The following GC variants were observed in gnomAD, a reference collection of about 807,000 sequenced individuals.
GC encodes GC vitamin D binding protein.
A neutral mutation model predicts 56.7 loss-of-function variants in GC; 43 were observed. The ratio of observed to expected loss-of-function variants is 0.76; its 90% CI spans 0.59 to 0.98. GC has a LOEUF of 0.98. GC is among the 50% of genes least tolerant of loss of function. The pLI is 0.00. For missense variants in GC, 529 were observed against 545.9 expected, an observed-to-expected ratio of 0.97 and a Z score of 0.31; for synonymous variants, 216 against 202.7, an observed-to-expected ratio of 1.07 and a Z score of -0.56.
rs770079783 is a variant in GC at position 71,768,328 on chromosome 4, C to G, written c.234G>C (p.Gly78=). The G allele has an allele frequency of 6.2e-7, 1 of 1,612,574 alleles. No individual in the cohort carries two copies. The highest frequency in any genetic ancestry group is 8.5e-7 in the Non-Finnish European group (1 of 1,179,358). The change falls in exon 3 of 13, where the codon GGG becomes GGC. Residue 78 remains glycine, a synonymous_variant. Transcript: ENST00000273951. ...VSLTEACCAE[G]ADPDCYDTRT... ...TGGTGTCATAGCAGTCAGGGTCAGC[C>G]CCTTCCGCACAGCAGGCTTCGGTCA...
intron 8 of GC, among the ~76,000 whole-genome samples, chr4:71,755,668 ATATAT>A (rs1264821339): frequency 1.3e-5 from 2 of 152,218 alleles, no homozygotes; most frequent in Admixed American, 1.3e-4. Flanking sequence ...ATACATTTAA[ATATAT>A]TATATGTAAA....
At chr4:71,769,543 G>T (rs895470055) in intron 1 of GC, 143 bp from the exon 2 acceptor site, 1 of 598,366 alleles carries the variant, frequency 1.7e-6, no homozygotes, top group Non-Finnish European at 3.0e-6. Flanking sequence ...CATATTTTGG[G>T]GGCCTTTCTA....
intron 10 of GC, among the ~76,000 whole-genome samples, chr4:71,753,917 A>C (rs778019798): frequency 1.6e-4 from 25 of 152,150 alleles, no homozygotes; most frequent in Non-Finnish European, 2.9e-4. Flanking sequence ...TCATTTTGCC[A>C]TTTTGACTCA....
intron 1 of GC, among the ~76,000 whole-genome samples, chr4:71,776,404 G>A (rs903048408): frequency 4.6e-5 from 7 of 151,806 alleles, no homozygotes; most frequent in African/African-American, 1.7e-4. Context: ...AATAAGCCAG[G>A]TACAGAAAGA....
At chr4:71,804,055 A>G (rs953297090), upstream of GC, 115 of 759,422 alleles carry the variant, frequency 1.5e-4, no homozygotes, top group African/African-American at 1.8e-3. Flanking sequence ...AAGAGCATCA[A>G]CGTTGGTCTT....
intron 1 of GC, among the ~76,000 whole-genome samples, chr4:71,775,155 T>A (rs547402194): frequency 6.6e-6 from 1 of 151,454 alleles, no homozygotes; most frequent in East Asian, 1.9e-4. Flanking sequence ...CTTGAAGTAA[T>A]ACTCACTAGA....
In GC at chr4:71,793,098, T is replaced by A. The variant is rs183644277; in HGVS notation, c.22-9044A>T. 3.5e-3 allele frequency among the ~76,000 whole-genome samples: 526 copies of A among 152,198 alleles called. 4 individuals are homozygous for A. The highest frequency in any genetic ancestry group is 0.016 in the South Asian group (77 of 4,822). ...ATAGTTTGAAGTCAGGTAGCATGAT[T>A]CTTCCAGCTTTGTTCTTTTTGCTTA... On this transcript the variant is annotated intron_variant, in intron 1 of 13. Coordinates refer to the GC transcript ENST00000504199.
upstream of GC, among the ~76,000 whole-genome samples, chr4:71,787,329 T>C (rs1032967816): frequency 1.3e-5 from 2 of 151,968 alleles, no homozygotes; most frequent in Admixed American, 6.6e-5. Context: ...GTTGAACTAC[T>C]TGTGGTTCAC....
intron 1 of GC, among the ~76,000 whole-genome samples, chr4:71,795,568 C>T (rs2131032): frequency 1 from 152,080 of 152,356 alleles, 75,903 homozygotes; most frequent in Middle Eastern, 1. Flanking sequence ...GTGAAATGCG[C>T]CTCCTGAATA....
chr4:71,784,211 T>A (rs1038132389), upstream of GC: 15 of 1,273,364 alleles, frequency 1.2e-5, no homozygotes, highest in Non-Finnish European at 1.5e-5. Flanking sequence ...CCAAAAGAGA[T>A]AAAATAATAT....
At chr4:71,803,968 CAG>C (rs2149312126) in exon 1 of GC, 1 of 1,455,358 alleles carries the variant, frequency 6.9e-7, no homozygotes, top group East Asian at 2.5e-5. Flanking sequence ...TGGACTAGTC[CAG>C]ATCATCACCA....
intron 6 of GC, 87 bp downstream of exon 6, chr4:71,763,321 T>C (rs1207664773): frequency 1.6e-6 from 1 of 616,826 alleles, no homozygotes; most frequent in East Asian, 2.8e-5. Flanking sequence ...TCTTTCAATA[T>C]AGACAGCTTC....
At chr4:71,804,349 AT>A (rs1302879619), upstream of GC, among the ~76,000 whole-genome samples, 5 of 152,066 alleles carry the variant, frequency 3.3e-5, no homozygotes, top group African/African-American at 9.7e-5. Context: ...AATTAGCATT[AT>A]TTTTCCCCCT....
chr4:71,800,561 T>A (rs1743224363), intron 1 of GC, among the ~76,000 whole-genome samples: 1 of 152,216 alleles, frequency 6.6e-6, no homozygotes, highest in Non-Finnish European at 1.5e-5. Context: ...TATATCTTTA[T>A]AATAGAATGA....
At chr4:71,785,659 T>A (rs940090851), upstream of GC, among the ~76,000 whole-genome samples, 1 of 151,780 alleles carries the variant, frequency 6.6e-6, no homozygotes, top group Non-Finnish European at 1.5e-5. Context: ...AAGAGCCAAC[T>A]CTATCTTGTT....
chr4:71,780,826 A>G (rs1385978847), intron 1 of GC, among the ~76,000 whole-genome samples: 1 of 152,032 alleles, frequency 6.6e-6, no homozygotes, highest in African/African-American at 2.4e-5. Context: ...AGACAGTGTG[A>G]CTATTCCTCA....
intron 12 of GC, 113 bp downstream of exon 12, chr4:71,746,038 G>T: frequency 1.6e-6 from 1 of 613,918 alleles, no homozygotes; most frequent in Non-Finnish European, 3.0e-6. Context: ...TCTGTAAAAT[G>T]AGTTTGAACA....
intron 4 of GC, 64 bp downstream of exon 4, chr4:71,765,368 G>T: frequency 7.9e-7 from 1 of 1,266,228 alleles, no homozygotes; most frequent in Non-Finnish European, 1.2e-6. Flanking sequence ...AGAGTAGGGG[G>T]TTAGATTAGA....
intron 11 of GC, among the ~76,000 whole-genome samples, chr4:71,750,820 G>A (rs1272244281): frequency 6.6e-6 from 1 of 152,118 alleles, no homozygotes; most frequent in African/African-American, 2.4e-5. Context: ...AGGAGGTGAA[G>A]TTTTCAGTGA....
Sources: allele counts gnomAD v4.1 joint callset (sites outside exome capture counted in the v4.1 genomes callset), GRCh38; gene constraint gnomAD v4.1.1; transcripts MANE v1.5; gene names NCBI Gene and HGNC (gene_info 2026-07-23, HGNC 2026-07-21).